Variants in GRAMD1B observed in about 807,000 individuals in gnomAD.
The protein encoded by GRAMD1B is GRAM domain containing 1B.
GRAMD1B carries 37 observed loss-of-function variants against 99.7 expected under a neutral mutation model. The observed-to-expected ratio is 0.37, with a 90% CI of 0.29 to 0.49. The LOEUF (loss-of-function observed/expected upper bound fraction) is 0.49, where lower values mean the gene tolerates loss of function less well. GRAMD1B is among the 20% of genes least tolerant of loss of function. GRAMD1B has a pLI of 0.98. For missense variants in GRAMD1B, 888 were observed against 1,009.2 expected, an observed-to-expected ratio of 0.88 and a Z score of 1.63; for synonymous variants, 427 against 387.6, an observed-to-expected ratio of 1.10 and a Z score of -1.19.
chr11:123,476,290 AG>A lies in GRAMD1B; in HGVS notation c.375-4523del, dbSNP rs1311414870. ...TAATTTTTGTATTTTTAGTAGAGACAGGGTTTCACCATGTTGGCCAGGCTGG... is the reference window on the plus strand; with the variant it reads ...TAATTTTTGTATTTTTAGTAGAGACAGGTTTCACCATGTTGGCCAGGCTGG... On this transcript the variant is annotated intron_variant, in intron 1 of 19. Coordinates refer to ENST00000635736, the MANE Select transcript of GRAMD1B (RefSeq NM_001387025.1). 7.2e-5 allele frequency among the ~76,000 whole-genome samples: 11 copies of A among 152,132 alleles called. No homozygotes were observed. The South Asian group carries it at 1.0e-3, about 14-fold the overall frequency.
At chr11:123,499,395 T>A (rs1220701758) in intron 2 of GRAMD1B, among the ~76,000 whole-genome samples, 2 of 152,198 alleles carry the variant, frequency 1.3e-5, no homozygotes, top group Non-Finnish European at 1.5e-5. Context: ...TGGTATTCTG[T>A]TATCGCAACA....
intron 2 of GRAMD1B, among the ~76,000 whole-genome samples, chr11:123,562,333 C>T (rs934440787): frequency 1.9e-4 from 29 of 152,206 alleles, no homozygotes; most frequent in African/African-American, 6.8e-4. Context: ...GGCACCCTCC[C>T]CTTGACCTTT....
At chr11:123,490,171 A>C (rs1938386658) in intron 2 of GRAMD1B, among the ~76,000 whole-genome samples, 1 of 152,224 alleles carries the variant, frequency 6.6e-6, no homozygotes. Context: ...TGGGTGTCTT[A>C]AAGGAAGAGG....
chr11:123,612,909 A>T, intron 15 of GRAMD1B, 45 bp downstream of exon 15: 1 of 1,091,980 alleles, frequency 9.2e-7, no homozygotes, highest in Non-Finnish European at 1.4e-6. Flanking sequence ...CAGAGATGGT[A>T]AACTGCACTG....
chr11:123,379,492 T>C (rs1294814610), intron 1 of GRAMD1B, among the ~76,000 whole-genome samples: 1 of 152,232 alleles, frequency 6.6e-6, no homozygotes, highest in Non-Finnish European at 1.5e-5. Context: ...TTCATCCATG[T>C]TTTAGCATTT....
chr11:123,502,334 G>A (rs762454711), intron 2 of GRAMD1B, among the ~76,000 whole-genome samples: 2 of 152,144 alleles, frequency 1.3e-5, no homozygotes, highest in Non-Finnish European at 2.9e-5. Flanking sequence ...TGATGCAAAC[G>A]TGCATGTCCC....
At chr11:123,578,481 G>C in intron 3 of GRAMD1B, 3 of 1,316,738 alleles carry the variant, frequency 2.3e-6, no homozygotes, top group Non-Finnish European at 3.2e-6. Flanking sequence ...GTGTCGATCT[G>C]TCTGTAGTGC....
At chr11:123,410,363 G>A (rs978080713) in intron 1 of GRAMD1B, among the ~76,000 whole-genome samples, 1 of 152,138 alleles carries the variant, frequency 6.6e-6, no homozygotes, top group Non-Finnish European at 1.5e-5. Flanking sequence ...TTATGATGGG[G>A]TGGAAGGGAG....
At position 123,522,829 on chromosome 11, in the gene GRAMD1B, AG is replaced by A. The variant is rs60649177; in HGVS notation, c.452+41937del. Among the ~76,000 whole-genome samples, 960 of 152,304 alleles carry A rather than the reference AG, an allele frequency of 6.3e-3. 11 individuals carry two copies. The highest frequency in any genetic ancestry group is 0.022 in the African/African-American group (914 of 41,562). On this transcript the variant is annotated intron_variant, in intron 2 of 19. Coordinates refer to ENST00000635736, the MANE Select transcript of GRAMD1B (RefSeq NM_001387025.1). ...AACTCATCAGTAATAGAAGAGATTT[AG>A]TCTTGATTTAGTCTCTTTTTTAACT...
chr11:123,529,248 A>G (rs1943110112), intron 2 of GRAMD1B, among the ~76,000 whole-genome samples: 1 of 152,186 alleles, frequency 6.6e-6, no homozygotes, highest in African/African-American at 2.4e-5. Context: ...CTAGAAATAC[A>G]TTTCAGCTGG....
At chr11:123,578,534 A>C in intron 3 of GRAMD1B, 1 of 827,740 alleles carries the variant, frequency 1.2e-6, no homozygotes, top group Non-Finnish European at 2.0e-6. Flanking sequence ...TGGCCCTTAT[A>C]TCCTGCTTGG....
At chr11:123,418,467 T>C (rs1399801110) in intron 1 of GRAMD1B, among the ~76,000 whole-genome samples, 1 of 152,180 alleles carries the variant, frequency 6.6e-6, no homozygotes, top group Non-Finnish European at 1.5e-5. Flanking sequence ...TCCAAGTACA[T>C]TCCTGTTCCT....
chr11:123,619,318 C>T, intron 19 of GRAMD1B, 94 bp downstream of exon 19: 2 of 1,530,750 alleles, frequency 1.3e-6, no homozygotes, highest in African/African-American at 1.4e-5. Context: ...CTATCACCAC[C>T]CTCCAGACTT....
intron 2 of GRAMD1B, among the ~76,000 whole-genome samples, chr11:123,551,015 G>A (rs1275573874): frequency 6.6e-6 from 1 of 152,198 alleles, no homozygotes; most frequent in African/African-American, 2.4e-5. Flanking sequence ...TTGCCTGCAG[G>A]AGTTTTATTG....
intron 2 of GRAMD1B, among the ~76,000 whole-genome samples, chr11:123,500,517 A>G (rs1473660086): frequency 6.6e-6 from 1 of 152,156 alleles, no homozygotes; most frequent in African/African-American, 2.4e-5. Context: ...TTTTTAAATG[A>G]AGAAATTGAT....
At chr11:123,504,738 A>G (rs1390660440) in intron 2 of GRAMD1B, among the ~76,000 whole-genome samples, 1 of 152,038 alleles carries the variant, frequency 6.6e-6, no homozygotes, top group Non-Finnish European at 1.5e-5. Flanking sequence ...CTGGAGTGCC[A>G]TGGTGCAATC....
intron 2 of GRAMD1B, among the ~76,000 whole-genome samples, chr11:123,481,240 A>G (rs1166182442): frequency 6.6e-6 from 1 of 152,152 alleles, no homozygotes; most frequent in Non-Finnish European, 1.5e-5. Context: ...GGATCACTTG[A>G]GATCTGGAGT....
intron 1 of GRAMD1B, among the ~76,000 whole-genome samples, chr11:123,437,374 C>T (rs11219139): frequency 0.22 from 33,433 of 152,068 alleles, 4,756 homozygotes; most frequent in East Asian, 0.51. Context: ...AACCACATCT[C>T]CCAGGATGTC....
chr11:123,390,562 T>C (rs1474483124), intron 1 of GRAMD1B, among the ~76,000 whole-genome samples: 1 of 152,262 alleles, frequency 6.6e-6, no homozygotes, highest in African/African-American at 2.4e-5. Context: ...TTTTTTTACA[T>C]GGGTCAAATC....
Sources: allele counts gnomAD v4.1 joint callset (sites outside exome capture counted in the v4.1 genomes callset), GRCh38; gene constraint gnomAD v4.1.1; transcripts MANE v1.5; gene names NCBI Gene and HGNC (gene_info 2026-07-23, HGNC 2026-07-21).